Variants in CR1 observed in about 807,000 individuals in gnomAD.
CR1 encodes the protein complement receptor type 1.
CR1 carries 116 observed loss-of-function variants against 187.3 expected under a neutral mutation model. The observed-to-expected ratio is 0.62, with a 90% CI of 0.53 to 0.72. The LOEUF (loss-of-function observed/expected upper bound fraction) is 0.72, where lower values mean the gene tolerates loss of function less well. CR1 is among the 30% of genes least tolerant of loss of function. The pLI, the probability that CR1 is intolerant of heterozygous loss-of-function variation, is 0.00. For missense variants in CR1, 1,731 were observed against 2,110.7 expected, an observed-to-expected ratio of 0.82 and a Z score of 3.52; for synonymous variants, 576 against 747.1, an observed-to-expected ratio of 0.77 and a Z score of 3.73.
At chr1:207,592,231 A>G (rs1460298455) in intron 35 of CR1, among the ~76,000 whole-genome samples, 1 of 152,210 alleles carries the variant, frequency 6.6e-6, no homozygotes, top group Non-Finnish European at 1.5e-5. Context: ...CAGCACATCA[A>G]AAAGCTTATC....
chr1:207,564,392 G>T (rs1660421300), intron 23 of CR1, among the ~76,000 whole-genome samples, 158 bp downstream of exon 23: 1 of 149,198 alleles, frequency 6.7e-6, no homozygotes, highest in African/African-American at 2.6e-5. Flanking sequence ...AGAAAGGAAA[G>T]AAACATATAG....
At chr1:207,591,713 G>GA (rs200766448) in intron 35 of CR1, among the ~76,000 whole-genome samples, 32,936 of 151,800 alleles carry the variant, frequency 0.22, 3,777 homozygotes, top group South Asian at 0.44. Context: ...GACTAATAAA[G>GA]AAAAAGAGAG....
rs530007035 is a variant in CR1 at position 207,506,940 on chromosome 1, C to T, written c.401+127C>T. ...CATCTGCTCTTTAACGGCTTCAACACAGATGTTTAGCTCCTGACTGAAATG... is the reference window on the plus strand; with the variant it reads ...CATCTGCTCTTTAACGGCTTCAACATAGATGTTTAGCTCCTGACTGAAATG... On this transcript the variant is annotated intron_variant, in intron 3 of 46. Coordinates refer to ENST00000367049, the MANE Select transcript of CR1 (RefSeq NM_000651.6). The T allele has an allele frequency of 1.3e-4, 90 of 716,310 alleles. No homozygotes were observed. In the African/African-American group the frequency reaches 1.4e-3, roughly 11 times the overall value. The allele number at this position is 716,310 out of a possible 1,614,324, so 44.4% of individuals were successfully genotyped here. A position where few individuals can be genotyped will look rare whatever the true frequency, so the allele number is the denominator to read the frequency against.
intron 35 of CR1, among the ~76,000 whole-genome samples, chr1:207,589,215 T>C (rs1661197789): frequency 6.6e-6 from 1 of 152,178 alleles, no homozygotes; most frequent in Non-Finnish European, 1.5e-5. Context: ...TGCATCAAAG[T>C]GCACACAGAG....
At chr1:207,635,030 G>T (rs773282116) in intron 46 of CR1, among the ~76,000 whole-genome samples, 1 of 152,052 alleles carries the variant, frequency 6.6e-6, no homozygotes, top group Non-Finnish European at 1.5e-5. Context: ...CTCCATTTTC[G>T]CCATACTTTC....
intron 46 of CR1, among the ~76,000 whole-genome samples, chr1:207,634,959 G>A (rs972513386): frequency 5.5e-4 from 84 of 152,176 alleles, no homozygotes; most frequent in Middle Eastern, 3.4e-3. Flanking sequence ...TTTTTCTTTG[G>A]ACAAAATTAA....
chr1:207,504,335 T>C (rs1368153041), intron 1 of CR1, among the ~76,000 whole-genome samples: 1 of 152,218 alleles, frequency 6.6e-6, no homozygotes, highest in Non-Finnish European at 1.5e-5. Flanking sequence ...GATTCATTTC[T>C]AGAGGCAGAG....
chr1:207,526,437 T>A (rs576271261), intron 5 of CR1, among the ~76,000 whole-genome samples: 1 of 150,510 alleles, frequency 6.6e-6, no homozygotes, highest in East Asian at 1.9e-4. Context: ...TCCTCCCAAT[T>A]TTGTACTGGG....
intron 35 of CR1, among the ~76,000 whole-genome samples, chr1:207,599,720 G>C (rs541992451): frequency 1.2e-4 from 18 of 152,280 alleles, no homozygotes; most frequent in African/African-American, 4.3e-4. Context: ...ATAATTTGCA[G>C]AAAAGCATAT....
intron 40 of CR1, among the ~76,000 whole-genome samples, chr1:207,616,160 A>G (rs1234194086): frequency 1.3e-5 from 2 of 152,188 alleles, no homozygotes; most frequent in African/African-American, 4.8e-5. Context: ...ATGATAGCTC[A>G]TGTTTATTAA....
chr1:207,611,695 A>T lies in CR1; in HGVS notation c.6314A>T (p.Glu2105Val). 1 of 1,613,852 alleles carries T rather than the reference A, an allele frequency of 6.2e-7. No individual in the cohort carries two copies. Among genetic ancestry groups the T allele is most frequent in the South Asian group, 1.1e-5 (1 of 91,078 alleles). Residue 2105 changes from glutamate to valine, a missense_variant, in exon 38 of 47, where the codon GAA becomes GTA. Glu to Val is a moderately radical substitution (Grantham distance 121). Around this residue, in one of 5 missense-constraint regions of CR1, gnomAD observed 1,312 missense variants for 1,379.6 expected, o/e 0.95. Coordinates refer to ENST00000367049, the MANE Select transcript of CR1 (RefSeq NM_000651.6). Reference sequence around the variant, plus strand: ...TCCACAGTGTGTCAGCCGCCTCCAGAAATCCTGCATGGTGAGCATACCCTA... The same window carrying T: ...TCCACAGTGTGTCAGCCGCCTCCAGTAATCCTGCATGGTGAGCATACCCTA... Reference protein sequence around the residue: ...HCSRVCQPPPEILHGEHTLSH... With the variant: ...HCSRVCQPPPVILHGEHTLSH...
chr1:207,513,274 G>A (rs1447882837), intron 4 of CR1, among the ~76,000 whole-genome samples: 1 of 152,172 alleles, frequency 6.6e-6, no homozygotes, highest in South Asian at 2.1e-4. Flanking sequence ...CATTGTCTCT[G>A]GCAATTAAGT....
At chr1:207,620,188 T>C in intron 43 of CR1, 123 bp downstream of exon 43, 1 of 968,136 alleles carries the variant, frequency 1.0e-6, no homozygotes, top group Non-Finnish European at 1.5e-6. Context: ...TAGAGTACAA[T>C]ATGAGCATCC....
chr1:207,584,256 A>G (rs1661043891), intron 32 of CR1, among the ~76,000 whole-genome samples: 1 of 152,242 alleles, frequency 6.6e-6, no homozygotes, highest in African/African-American at 2.4e-5. Flanking sequence ...GTCAAAGATC[A>G]TATTTATCCT....
Position 207,575,681 on chromosome 1 carries a change from G to A in CR1, c.4537+1G>A, listed in dbSNP as rs1324987344. 4.3e-6 allele frequency: 7 copies of A among 1,611,652 alleles called. No individual in the cohort carries two copies. Among genetic ancestry groups the A allele is most frequent in the South Asian group, 3.3e-5 (3 of 90,988 alleles). On this transcript the variant is annotated splice_donor_variant, in intron 28 of 46. Transcript: ENST00000367049. LOFTEE classifies it high-confidence loss of function. ...AGCACGAAGCCGCCAATTTGTCAAC[G>A]TGAGTTGAAATCTCTTTCCCCATTC...
At chr1:207,588,852 A>G (rs919819312) in intron 35 of CR1, 78 bp downstream of exon 35, 8 of 953,400 alleles carry the variant, frequency 8.4e-6, no homozygotes, top group Non-Finnish European at 1.3e-5. Flanking sequence ...CAGATAGACA[A>G]ACTAAACTAT....
At chr1:207,501,819 T>G (rs1272396728) in intron 1 of CR1, among the ~76,000 whole-genome samples, 1 of 152,182 alleles carries the variant, frequency 6.6e-6, no homozygotes, top group East Asian at 1.9e-4. Context: ...CCGGCATCAA[T>G]GGATAAGACA....
intron 32 of CR1, among the ~76,000 whole-genome samples, chr1:207,582,449 A>G (rs1490836408): frequency 6.6e-6 from 1 of 152,252 alleles, no homozygotes; most frequent in Non-Finnish European, 1.5e-5. Flanking sequence ...TAAACAAGAC[A>G]GATAAGTCCA....
intron 35 of CR1, among the ~76,000 whole-genome samples, chr1:207,600,318 A>G (rs546619995): frequency 6.6e-6 from 1 of 152,328 alleles, no homozygotes; most frequent in East Asian, 1.9e-4. Context: ...TGAAAACTTC[A>G]GATTGGGCAA....
Sources: allele counts gnomAD v4.1 joint callset (sites outside exome capture counted in the v4.1 genomes callset), GRCh38; gene constraint gnomAD v4.1.1; regional missense constraint gnomAD v4.1.1; transcripts MANE v1.5; gene names NCBI Gene and HGNC (gene_info 2026-07-23, HGNC 2026-07-21).